MCM10: variants seen among roughly 807,000 people sequenced by gnomAD.
MCM10 encodes the protein protein MCM10 homolog.
In MCM10, 91 loss-of-function variants were observed where a neutral mutation model predicts 109.9. The observed-to-expected ratio is 0.83, with a 90% CI of 0.70 to 0.99. MCM10 has a LOEUF of 0.99. MCM10 is among the 50% of genes least tolerant of loss of function. MCM10 has a pLI of 0.00. For synonymous variants in MCM10, 380 were observed against 387.2 expected (o/e 0.98, Z 0.22); for missense variants, 1,077 against 1,061.2 (o/e 1.01, Z -0.21).
Position 13,192,431 on chromosome 10 carries a change from A to T in MCM10, c.1628-20A>T. 1 of 1,613,674 alleles carries T rather than the reference A, an allele frequency of 6.2e-7. No homozygotes were observed. Among genetic ancestry groups the T allele is most frequent in the Non-Finnish European group, 8.5e-7 (1 of 1,179,578 alleles). ...CCTCAGCCTCCCAGGGCACCCCCTC[A>T]GTCTGGGCTTCTGTTTCAGGGATTA... On this transcript the variant is annotated intron_variant, in intron 12 of 19. Transcript: ENST00000378714.
At chr10:13,166,095 C>T (rs1241621811) in intron 2 of MCM10, among the ~76,000 whole-genome samples, 1 of 151,868 alleles carries the variant, frequency 6.6e-6, no homozygotes, top group Admixed American at 6.6e-5. Context: ...ACTGCTATGT[C>T]TTTGTATGCT....
At chr10:13,164,312 A>G in intron 2 of MCM10, 103 bp downstream of exon 2, 1 of 1,117,950 alleles carries the variant, frequency 8.9e-7, no homozygotes, top group East Asian at 2.6e-5. Flanking sequence ...AATGCTCCCC[A>G]GCCCTCAGGT....
rs1160022662 is a variant in MCM10, at chr10:13,188,926, A to G, written c.1261A>G (p.Lys421Glu). Residue 421 changes from lysine to glutamate, a missense_variant, in exon 10 of 20, where the codon AAG (lysine) becomes GAG (glutamate). By Grantham distance (56) the Lys-to-Glu change is moderately conservative (BLOSUM62 1). Coordinates refer to ENST00000378714, the MANE Select transcript of MCM10 (RefSeq NM_018518.5). ...CQYHVQAQYK[K>E]LSAKRADLQS... ...GTACCATGTCCAGGCTCAGTACAAGAAGCTCAGCGCAAAGCGTGCGGATCT... is the reference window on the plus strand; with the variant it reads ...GTACCATGTCCAGGCTCAGTACAAGGAGCTCAGCGCAAAGCGTGCGGATCT... 1 of 1,614,194 alleles carries G rather than the reference A, an allele frequency of 6.2e-7. No individual in the cohort carries two copies. Among genetic ancestry groups the G allele is most frequent in the Admixed American group, 1.7e-5 (1 of 60,028 alleles).
At chr10:13,171,318 C>A (rs1298375326) in intron 3 of MCM10, 55 bp downstream of exon 3, 11 of 1,430,754 alleles carry the variant, frequency 7.7e-6, no homozygotes, top group Non-Finnish European at 9.4e-6. Flanking sequence ...ATGAAGACCA[C>A]CAATCTGATA....
rs759971388 is a variant in MCM10, at chr10:13,192,602, G to A, written c.1745+34G>A. The A allele has an allele frequency of 1.4e-5, 22 of 1,591,326 alleles. 1 individual carries two copies. In the South Asian group the frequency reaches 2.3e-4, roughly 17 times the overall value. ...AGCAGATTTAATATTCCCCGCTTGG[G>A]TCATCCATCTCAGGCGTCCTCAGAA... On this transcript the variant is annotated intron_variant, in intron 13 of 19. Transcript: ENST00000378714.
Position 13,191,361 on chromosome 10 carries a change from G to A in MCM10, c.1478G>A (p.Gly493Asp). 1.9e-6 allele frequency: 3 copies of A among 1,614,058 alleles called. No homozygotes were observed. The highest frequency in any genetic ancestry group is 2.5e-6 in the Non-Finnish European group (3 of 1,179,992). ...QTTLSNLVVKGTNLIIQETRQ... is the reference protein window; with the variant it reads ...QTTLSNLVVKDTNLIIQETRQ... ...ACTCTGAGTAATCTGGTTGTTAAGG[G>A]CACAAACTTGATCATCCAGGAAACA... The change falls in exon 11 of 20, where the codon GGC becomes GAC. Residue 493 changes from glycine to aspartate, a missense_variant. Gly to Asp is a moderately conservative substitution (Grantham distance 94). Transcript: ENST00000378714.
Position 13,204,552 on chromosome 10 carries a change from G to C in MCM10, c.2498+188G>C, listed in dbSNP as rs527878394. 4.8e-6 allele frequency: 3 copies of C among 629,554 alleles called. No individual in the cohort carries two copies. The East Asian group carries it at 8.6e-5, about 18-fold the overall frequency. 39.0% of individuals were successfully genotyped at this position (629,554 alleles called of 1,614,324 possible). Reference sequence around the variant, plus strand: ...GAAGGGACCCTGCCCTTTCACTGCTGTCCCCAACACCTAATATAGTGCCTG... The same window carrying C: ...GAAGGGACCCTGCCCTTTCACTGCTCTCCCCAACACCTAATATAGTGCCTG... On this transcript the variant is annotated intron_variant, in intron 18 of 19. Coordinates refer to ENST00000378714, the MANE Select transcript of MCM10 (RefSeq NM_018518.5).
chr10:13,209,358 C>T lies in MCM10; in HGVS notation c.*48C>T, dbSNP rs200053685. ...ACAGACTTCCTGGCCTCCTGTGACT[C>T]TGGAAAGCAAAGGATTGGCTGTGTA... On this transcript the variant is annotated 3_prime_UTR_variant, in exon 20 of 20. Transcript: ENST00000378714. 1 of 1,438,486 alleles carries T rather than the reference C, an allele frequency of 7.0e-7. No individual in the cohort carries two copies. Among genetic ancestry groups the T allele is most frequent in the African/African-American group, 1.4e-5 (1 of 71,198 alleles). 89.1% of individuals were successfully genotyped at this position (1,438,486 alleles called of 1,614,324 possible).
intron 2 of MCM10, among the ~76,000 whole-genome samples, chr10:13,166,653 CATACATACATATATATAT>C (rs1834002720): frequency 2.2e-5 from 1 of 45,496 alleles, no homozygotes; most frequent in African/African-American, 8.0e-5. Context: ...AAAAAAAATA[CATACATACATATATATAT>C]ATATATATAT....
chr10:13,162,300 A>C (rs1454276462), intron 1 of MCM10, among the ~76,000 whole-genome samples: 1 of 152,156 alleles, frequency 6.6e-6, no homozygotes, highest in African/African-American at 2.4e-5. Context: ...AGAGAATATG[A>C]ATCATTGCCT....
At chr10:13,167,169 C>T (rs1834012666) in intron 2 of MCM10, among the ~76,000 whole-genome samples, 1 of 152,110 alleles carries the variant, frequency 6.6e-6, no homozygotes, top group African/African-American at 2.4e-5. Context: ...AAAGACCAGT[C>T]AGCATGGTAG....
At chr10:13,204,998 G>GTATA (rs1325120690) in intron 18 of MCM10, among the ~76,000 whole-genome samples, 10 of 19,516 alleles carry the variant, frequency 5.1e-4, no homozygotes, top group Admixed American at 5.7e-4. Flanking sequence ...ATGTATGTAT[G>GTATA]TATGTATATA....
chr10:13,188,970 A>C lies in MCM10; in HGVS notation c.1305A>C (p.Gly435=). 1 of 1,614,234 alleles carries C rather than the reference A, an allele frequency of 6.2e-7. No individual in the cohort carries two copies. Among genetic ancestry groups the C allele is most frequent in the Non-Finnish European group, 8.5e-7 (1 of 1,180,008 alleles). ...KRADLQSTFS[G]GRIPKKFARR... is the part of the protein sequence containing the mutation. The stretch of plus-strand genomic sequence containing the variant: ...CGGATCTGCAGTCCACCTTCTCTGG[A>C]GGACGAATTCCAAAGAAGTTTGCCC... Residue 435 remains glycine, a synonymous_variant, in exon 10 of 20, where the codon GGA becomes GGC. Transcript: ENST00000378714.
intron 18 of MCM10, among the ~76,000 whole-genome samples, chr10:13,205,002 G>GTA (rs576376587): frequency 1.9e-3 from 13 of 6,678 alleles, no homozygotes; most frequent in Admixed American, 5.4e-3. Flanking sequence ...ATGTATGTAT[G>GTA]TATATATATA....
Position 13,167,747 on chromosome 10 carries a change from A to C in MCM10, c.8-3175A>C, listed in dbSNP as rs574933667. ...TGATAAAGAAGACATCAGGAACCTG[A>C]AGTTGATCAACAAGTATTTGTTGCA... On this transcript the variant is annotated intron_variant, in intron 2 of 19. Coordinates refer to ENST00000378714, the MANE Select transcript of MCM10 (RefSeq NM_018518.5). Among the ~76,000 whole-genome samples the C allele has an allele frequency of 1.8e-4, 27 of 152,342 alleles. No homozygotes were observed. In the East Asian group the frequency reaches 5.0e-3, roughly 28 times the overall value.
In MCM10 at chr10:13,172,735, G is replaced by A. The variant is rs753470863; in HGVS notation, c.562G>A (p.Val188Met). The A allele has an allele frequency of 1.9e-6, 3 of 1,614,122 alleles. No individual in the cohort carries two copies. Among genetic ancestry groups the A allele is most frequent in the Non-Finnish European group, 2.5e-6 (3 of 1,180,032 alleles). The change falls in exon 5 of 20, where the codon GTG becomes ATG. Residue 188 changes from valine (V) to methionine (M), a missense_variant. Val to Met is a conservative substitution (Grantham distance 21, BLOSUM62 1). Coordinates refer to ENST00000378714, the MANE Select transcript of MCM10 (RefSeq NM_018518.5). This position sits in a 1 kb window ranked among gnomAD's most constrained non-coding sequence, Gnocchi z 5.2. ...DVPALPRTKR[V>M]ARTPKASPPD... The stretch of plus-strand genomic sequence containing the variant: ...CCCTGCGCTACCAAGAACCAAGAGG[G>A]TGGCTCGAACACCAAAGGCTTCACC...
intron 2 of MCM10, among the ~76,000 whole-genome samples, chr10:13,170,702 T>TTTG (rs1834059584): frequency 6.6e-6 from 1 of 152,068 alleles, no homozygotes; most frequent in African/African-American, 2.4e-5. Context: ...TTGTTTGTTT[T>TTTG]TTTAGTTTCA....
At chr10:13,190,037 C>T (rs185823343) in intron 10 of MCM10, among the ~76,000 whole-genome samples, 17 of 152,276 alleles carry the variant, frequency 1.1e-4, no homozygotes, top group East Asian at 9.6e-4. Context: ...TGTGTTGGGC[C>T]GCATTCAAAG....
chr10:13,202,429 A>G (rs1057376893), intron 17 of MCM10, among the ~76,000 whole-genome samples: 1 of 152,186 alleles, frequency 6.6e-6, no homozygotes, highest in Non-Finnish European at 1.5e-5. Context: ...TGTTCCCACT[A>G]TCCCTGTGTG....
Sources: allele counts gnomAD v4.1 joint callset (sites outside exome capture counted in the v4.1 genomes callset), GRCh38; gene constraint gnomAD v4.1.1; non-coding constraint Gnocchi (gnomAD v3.1); transcripts MANE v1.5; gene names NCBI Gene and HGNC (gene_info 2026-07-23, HGNC 2026-07-21).